Variants in CCDC15 observed in about 807,000 individuals in gnomAD.
CCDC15 encodes coiled-coil domain containing 15.
Under a neutral mutation model 114.5 loss-of-function variants are expected in CCDC15, and 105 were observed. The observed-to-expected ratio is 0.92, with a 90% CI of 0.78 to 1.08. The LOEUF is 1.08. CCDC15 is among the 50% of genes least tolerant of loss of function. The pLI is 0.00. For synonymous variants in CCDC15, 334 were observed against 377.8 expected (o/e 0.88, Z 1.34); for missense variants, 1,105 against 1,093.6 (o/e 1.01, Z -0.15).
chr11:125,005,823 T>A (rs1377281044), intron 13 of CCDC15, among the ~76,000 whole-genome samples: 1 of 152,188 alleles, frequency 6.6e-6, no homozygotes, highest in Admixed American at 6.5e-5. Context: ...GTATGCAACC[T>A]TTTTAGATTG....
intron 13 of CCDC15, among the ~76,000 whole-genome samples, chr11:125,026,357 C>A (rs1427738291): frequency 6.6e-6 from 1 of 152,204 alleles, no homozygotes; most frequent in Non-Finnish European, 1.5e-5. Flanking sequence ...CAGAGTCCCA[C>A]AAATGCTATA....
Position 124,959,871 on chromosome 11 carries a change from A to G in CCDC15, c.384A>G (p.Lys128=). The G allele has an allele frequency of 6.3e-7, 1 of 1,599,890 alleles. No homozygotes were observed. ...MQSSATHLTS[K]RTSVFPNNLN... ...CTTCAGCAACACACTTAACTTCCAAAAGGACAAGTGTTTTTCCAAACAATT... is the reference window on the plus strand; with the variant it reads ...CTTCAGCAACACACTTAACTTCCAAGAGGACAAGTGTTTTTCCAAACAATT... The change falls in exon 4 of 16, where the codon AAA becomes AAG. Residue 128 remains lysine, a synonymous_variant. Transcript: ENST00000344762.
chr11:124,998,501 A>T (rs1948413588), intron 11 of CCDC15, among the ~76,000 whole-genome samples: 1 of 152,066 alleles, frequency 6.6e-6, no homozygotes, highest in Non-Finnish European at 1.5e-5. Context: ...ATATTATCTT[A>T]TAATAGTTGC....
chr11:125,017,201 C>A (rs980369924), intron 13 of CCDC15, among the ~76,000 whole-genome samples: 1 of 152,114 alleles, frequency 6.6e-6, no homozygotes, highest in African/African-American at 2.4e-5. Context: ...TGGTTTCATT[C>A]ATTGATTTAG....
chr11:125,004,374 A>G (rs1384177367), intron 12 of CCDC15, among the ~76,000 whole-genome samples: 3 of 151,926 alleles, frequency 2.0e-5, no homozygotes, highest in Non-Finnish European at 4.4e-5. Flanking sequence ...TCTAAACCAG[A>G]TATACCAAAT....
In CCDC15 at chr11:124,990,376, C is replaced by A. The variant is rs561969644; in HGVS notation, c.1909-1085C>A. On this transcript the variant is annotated intron_variant, in intron 8 of 15. Transcript: ENST00000344762. ...CCAGATATAATAGTAATGGAAAAGT[C>A]TGAACTATTGTGAAAATTTCCAAAA... 1.2e-4 allele frequency among the ~76,000 whole-genome samples: 18 copies of A among 152,202 alleles called. No individual in the cohort carries two copies. The South Asian group carries it at 3.7e-3, about 32-fold the overall frequency.
intron 6 of CCDC15, 42 bp from the exon 7 acceptor site, chr11:124,986,700 T>TGTGTGTGTGTGCGTGC (rs878887902): frequency 7.7e-7 from 1 of 1,298,020 alleles, no homozygotes; most frequent in Non-Finnish European, 1.0e-6. Flanking sequence ...TTTGTGTGTG[T>TGTGTGTGTGTGCGTGC]GCGCGCGCGC....
chr11:125,010,207 T>G (rs1412952090), intron 13 of CCDC15, among the ~76,000 whole-genome samples: 1 of 152,176 alleles, frequency 6.6e-6, no homozygotes, highest in Non-Finnish European at 1.5e-5. Flanking sequence ...TAATATCTGT[T>G]TTGACTCGTG....
intron 6 of CCDC15, among the ~76,000 whole-genome samples, chr11:124,977,808 T>G (rs912339884): frequency 1.3e-5 from 2 of 152,186 alleles, no homozygotes; most frequent in African/African-American, 4.8e-5. Context: ...GTTGTGCAAC[T>G]GTTACCACAA....
rs1947614846 is a variant in CCDC15 at position 124,959,320 on chromosome 11, G to A, written c.327+56G>A. 1.2e-5 allele frequency: 17 copies of A among 1,415,590 alleles called. No homozygotes were observed. In the South Asian group the frequency reaches 2.4e-4, roughly 20 times the overall value. The allele number at this position is 1,415,590 out of a possible 1,614,324, so 87.7% of individuals were successfully genotyped here. ...TGAATGGAAAATATGTGTGTTATGA[G>A]ATAAGCTATTAGGCAGTAACAGAAT... On this transcript the variant is annotated intron_variant, in intron 3 of 15. Coordinates refer to ENST00000344762, the MANE Select transcript of CCDC15 (RefSeq NM_025004.3).
rs768089942 is a variant in CCDC15, at chr11:124,999,854, CT to C, written c.2215-3988del. Among the ~76,000 whole-genome samples the C allele has an allele frequency of 2.3e-3, 162 of 70,118 alleles. 1 individual carries two copies. The highest frequency in any genetic ancestry group is 0.015 in the East Asian group (39 of 2,600). 46.0% of individuals were successfully genotyped at this position (70,118 alleles called of 152,430 possible). On this transcript the variant is annotated intron_variant, in intron 11 of 15. Coordinates refer to ENST00000344762, the MANE Select transcript of CCDC15 (RefSeq NM_025004.3). ...AACTAATTTTAAGTTGTATCCTAGA[CT>C]TTTTTTTTTTTTTTTTTTTTTTTTG...
intron 14 of CCDC15, 26 bp from the exon 15 acceptor site, chr11:125,038,895 T>G (rs748766437): frequency 9.4e-6 from 15 of 1,593,772 alleles, no homozygotes; most frequent in Non-Finnish European, 1.2e-5. Flanking sequence ...TAGTTCACTT[T>G]GCCTGATTAT....
chr11:124,971,924 C>T (rs1014654082), intron 4 of CCDC15, among the ~76,000 whole-genome samples: 1 of 151,782 alleles, frequency 6.6e-6, no homozygotes, highest in African/African-American at 2.4e-5. Context: ...CTTTCTCTCC[C>T]CTGCCACCAC....
chr11:124,965,738 G>A (rs1485821087), intron 4 of CCDC15, among the ~76,000 whole-genome samples: 1 of 152,150 alleles, frequency 6.6e-6, no homozygotes, highest in Admixed American at 6.5e-5. Context: ...ATGTTAGGGT[G>A]ACGATTTTAG....
chr11:124,959,194 A>T lies in CCDC15; in HGVS notation c.257A>T (p.Gln86Leu). ...KQEALKHFQK[Q>L]VKYRVNQQIR... ...GAAGCTTTGAAACATTTTCAGAAAC[A>T]AGTTAAATACCGAGTAAATCAACAA... is the stretch of plus-strand genomic sequence containing the variant. The change falls in exon 3 of 16, where the codon CAA (glutamine) becomes CTA (leucine). Residue 86 changes from glutamine to leucine, a missense_variant. Coordinates refer to ENST00000344762, the MANE Select transcript of CCDC15 (RefSeq NM_025004.3). 6.3e-7 allele frequency: 1 copy of T among 1,594,198 alleles called. No homozygotes were observed.
chr11:124,961,250 C>T (rs938740957), intron 4 of CCDC15, among the ~76,000 whole-genome samples: 4 of 152,156 alleles, frequency 2.6e-5, no homozygotes, highest in African/African-American at 9.7e-5. Flanking sequence ...AAATAGAACT[C>T]ATCAGTCAGC....
At chr11:124,965,286 T>G (rs565121023) in intron 4 of CCDC15, among the ~76,000 whole-genome samples, 110 of 152,336 alleles carry the variant, frequency 7.2e-4, no homozygotes, top group African/African-American at 2.5e-3. Flanking sequence ...TTTTTTTGGT[T>G]GGTAGGCTAT....
intron 13 of CCDC15, chr11:125,037,425 C>T (rs1261900690): frequency 6.6e-6 from 1 of 152,234 alleles, no homozygotes; most frequent in African/African-American, 2.4e-5. Context: ...TATTTCATTG[C>T]ATACATGCAC....
chr11:124,985,617 GT>G (rs1948145530), intron 6 of CCDC15, among the ~76,000 whole-genome samples: 2 of 149,106 alleles, frequency 1.3e-5, no homozygotes, highest in Admixed American at 1.3e-4. Context: ...TTGTTGCCCA[GT>G]TGTGTAACTC....
Sources: allele counts gnomAD v4.1 joint callset (sites outside exome capture counted in the v4.1 genomes callset), GRCh38; gene constraint gnomAD v4.1.1; transcripts MANE v1.5; gene names NCBI Gene and HGNC (gene_info 2026-07-23, HGNC 2026-07-21).